SCAPER: variants seen among roughly 807,000 people sequenced by gnomAD.
SCAPER encodes S-phase cyclin A associated protein in the ER.
A neutral mutation model predicts 182.2 loss-of-function variants in SCAPER; 98 were observed. That is an observed-to-expected ratio of 0.54 (90% confidence interval 0.46 to 0.64). SCAPER has a LOEUF of 0.64. Among genes scored for constraint, SCAPER ranks in the 30% least tolerant of loss-of-function variants. The pLI is 0.00. For missense variants in SCAPER, 1,432 were observed against 1,690.0 expected (o/e 0.85, Z 2.68); for synonymous variants, 605 against 564.6 (o/e 1.07, Z -1.01).
chr15:76,820,423 G>C (rs2067444358), intron 5 of SCAPER, among the ~76,000 whole-genome samples: 1 of 152,126 alleles, frequency 6.6e-6, no homozygotes, highest in Non-Finnish European at 1.5e-5. Flanking sequence ...AAAATGATGA[G>C]TTCATATCCT....
chr15:76,646,361 C>T (rs1262521306), intron 21 of SCAPER, among the ~76,000 whole-genome samples: 1 of 152,086 alleles, frequency 6.6e-6, no homozygotes, highest in Non-Finnish European at 1.5e-5. Context: ...AGTCTATTAG[C>T]CTAGTGATTA....
intron 25 of SCAPER, among the ~76,000 whole-genome samples, chr15:76,454,829 A>T (rs1288452841): frequency 6.6e-6 from 1 of 151,956 alleles, no homozygotes; most frequent in Non-Finnish European, 1.5e-5. Flanking sequence ...AGTTGGCCAT[A>T]GCATTATTTA....
At chr15:76,703,140 C>T (rs1337699768) in intron 18 of SCAPER, 138 bp from the exon 19 acceptor site, 1 of 896,244 alleles carries the variant, frequency 1.1e-6, no homozygotes, top group Non-Finnish European at 1.6e-6. Context: ...GAAGACAAAG[C>T]TTTACACAAA....
At chr15:76,488,796 G>C (rs185565076) in intron 24 of SCAPER, among the ~76,000 whole-genome samples, 1 of 137,850 alleles carries the variant, frequency 7.3e-6, no homozygotes, top group Admixed American at 7.9e-5. Context: ...TGGGATCTTG[G>C]TTCACTGCAA....
intron 1 of SCAPER, among the ~76,000 whole-genome samples, chr15:76,896,080 C>CTAT (rs2152616387): frequency 6.6e-6 from 1 of 151,014 alleles, no homozygotes; most frequent in African/African-American, 2.4e-5. Flanking sequence ...GCATAAAAGA[C>CTAT]AATAAAAGGC....
At position 76,765,593 on chromosome 15, in the gene SCAPER, C is replaced by T; in HGVS notation, c.1465G>A (p.Asp489Asn). The change falls in exon 12 of 32, where the codon GAC becomes AAC. Residue 489 changes from aspartate (D) to asparagine (N), a missense_variant. Asp to Asn is a conservative substitution (Grantham distance 23, BLOSUM62 1). Around this residue, in one of 5 missense-constraint regions of SCAPER, gnomAD observed 128 missense variants for 149.9 expected, o/e 0.85. Coordinates refer to ENST00000563290, the MANE Select transcript of SCAPER (RefSeq NM_020843.4). ...TAATCTGCAAGGACATCGTTCCAGT[C>T]CATGGACATACCACAGAAAGAAACA... is the stretch of plus-strand genomic sequence containing the variant. Reference protein sequence around the residue: ...GSVSFCGMSMDWNDVLADYEA... With the variant: ...GSVSFCGMSMNWNDVLADYEA... The T allele has an allele frequency of 6.3e-7, 1 of 1,590,668 alleles. No homozygotes were observed. The highest frequency in any genetic ancestry group is 8.6e-7 in the Non-Finnish European group (1 of 1,167,444).
chr15:76,676,454 T>G (rs2057374507), intron 20 of SCAPER, among the ~76,000 whole-genome samples: 1 of 152,220 alleles, frequency 6.6e-6, no homozygotes, highest in Non-Finnish European at 1.5e-5. Context: ...AACAGTCAAC[T>G]AGTCTTATAC....
At chr15:76,406,360 C>T (rs1014507350) in intron 26 of SCAPER, among the ~76,000 whole-genome samples, 10 of 151,954 alleles carry the variant, frequency 6.6e-5, no homozygotes, top group Non-Finnish European at 1.0e-4. Flanking sequence ...AACCTGTAGT[C>T]CCAGTTACTT....
intron 5 of SCAPER, among the ~76,000 whole-genome samples, chr15:76,835,796 G>C (rs1490131347): frequency 6.6e-6 from 1 of 152,026 alleles, no homozygotes; most frequent in Non-Finnish European, 1.5e-5. Flanking sequence ...AAACCTTATA[G>C]TCTCTGTCCA....
chr15:76,666,109 A>G (rs1215711733), intron 20 of SCAPER, among the ~76,000 whole-genome samples: 1 of 152,196 alleles, frequency 6.6e-6, no homozygotes, highest in Non-Finnish European at 1.5e-5. Flanking sequence ...TATAATACCA[A>G]GCCAATCAGA....
chr15:76,811,680 C>A (rs1033806235), intron 5 of SCAPER, among the ~76,000 whole-genome samples: 3 of 151,972 alleles, frequency 2.0e-5, no homozygotes, highest in Admixed American at 6.6e-5. Flanking sequence ...CCCAGCTACT[C>A]AGGAGGCTGA....
At chr15:76,431,871 A>G (rs572382095) in intron 26 of SCAPER, among the ~76,000 whole-genome samples, 3 of 152,208 alleles carry the variant, frequency 2.0e-5, no homozygotes, top group Admixed American at 1.3e-4. Context: ...ATGGTTGTCA[A>G]TCATCATTTT....
intron 20 of SCAPER, among the ~76,000 whole-genome samples, chr15:76,692,664 G>C (rs1445162649): frequency 7.0e-6 from 1 of 142,730 alleles, no homozygotes; most frequent in African/African-American, 2.5e-5. Flanking sequence ...ACTCCAGCCT[G>C]GGTGACAGAG....
At chr15:76,606,876 T>C (rs1279129340) in intron 22 of SCAPER, among the ~76,000 whole-genome samples, 1 of 152,244 alleles carries the variant, frequency 6.6e-6, no homozygotes, top group Non-Finnish European at 1.5e-5. Flanking sequence ...TTGGTAGATC[T>C]TCTTCCATCC....
chr15:76,480,945 A>T (rs1268409546), intron 24 of SCAPER, among the ~76,000 whole-genome samples: 2 of 151,984 alleles, frequency 1.3e-5, no homozygotes, highest in African/African-American at 4.8e-5. Context: ...GTTAGCCAGG[A>T]TGGTCTCGAT....
At chr15:76,737,772 G>C (rs374965115) in intron 15 of SCAPER, among the ~76,000 whole-genome samples, 58 of 152,330 alleles carry the variant, frequency 3.8e-4, no homozygotes, top group African/African-American at 1.3e-3. Context: ...TTCTACGTCA[G>C]CACTTATTGC....
chr15:76,880,825 A>G (rs925503007), intron 2 of SCAPER, among the ~76,000 whole-genome samples: 1 of 152,172 alleles, frequency 6.6e-6, no homozygotes, highest in African/African-American at 2.4e-5. Context: ...TTGAAAATAT[A>G]AAAGATAAAT....
intron 22 of SCAPER, among the ~76,000 whole-genome samples, chr15:76,621,127 C>A (rs2052004770): frequency 6.6e-6 from 1 of 152,208 alleles, no homozygotes; most frequent in Non-Finnish European, 1.5e-5. Flanking sequence ...ATGCACACTG[C>A]TTTTCAACAA....
intron 17 of SCAPER, among the ~76,000 whole-genome samples, chr15:76,725,419 A>AAC (rs1363899923): frequency 6.0e-5 from 9 of 149,502 alleles, no homozygotes; most frequent in Middle Eastern, 3.4e-3. Flanking sequence ...GTATACATTA[A>AAC]AAAAAAAAAG....
Sources: gnomAD v4.1 joint callset for allele counts (sites outside exome capture counted in the v4.1 genomes callset) on GRCh38, gnomAD v4.1.1 for gene constraint, gnomAD v4.1.1 regional missense constraint, MANE v1.5 for transcripts, NCBI Gene and HGNC (gene_info 2026-07-23, HGNC 2026-07-21) for gene names.